Variants in TBC1D9 observed in about 807,000 individuals in gnomAD.
TBC1D9 encodes the protein TBC1 domain family member 9.
In TBC1D9, 63 loss-of-function variants were observed where a neutral mutation model predicts 132.0. The ratio of observed to expected loss-of-function variants is 0.48; its 90% CI spans 0.39 to 0.59. The LOEUF is 0.59. TBC1D9 is among the 20% of genes least tolerant of loss of function. The pLI, the probability that TBC1D9 is intolerant of heterozygous loss-of-function variation, is 0.00. For synonymous variants in TBC1D9, 610 were observed against 609.9 expected (o/e 1.00, Z 0.00); for missense variants, 1,261 against 1,592.7 (o/e 0.79, Z 3.54).
At position 140,729,504 on chromosome 4, in the gene TBC1D9, C is replaced by T. The variant is rs561619618; in HGVS notation, c.130+26412G>A. Among the ~76,000 whole-genome samples, 18 of 152,204 alleles carry T rather than the reference C, an allele frequency of 1.2e-4. No individual in the cohort carries two copies. In the South Asian group the frequency reaches 3.7e-3, roughly 32 times the overall value. ...TTGCACTTCCCTTCCTTTTGATTTT[C>T]AAAATAGAATAAAAAATAATGACAC... is the stretch of plus-strand genomic sequence containing the variant. On this transcript the variant is annotated intron_variant, in intron 1 of 20. Transcript: ENST00000442267.
In TBC1D9 at chr4:140,706,260, G is replaced by A. The variant is rs1331973069; in HGVS notation, c.131-4646C>T. Among the ~76,000 whole-genome samples the A allele has an allele frequency of 6.6e-6, 1 of 152,202 alleles. No individual in the cohort carries two copies. The highest frequency in any genetic ancestry group is 6.5e-5 in the Admixed American group (1 of 15,278). On this transcript the variant is annotated intron_variant, in intron 1 of 20. Transcript: ENST00000442267. This position sits in a 1 kb window ranked among gnomAD's most constrained non-coding sequence, Gnocchi z 4.0. ...ATCCTAAAGATCACTTGGCCTCCCC[G>A]ACTCCATTAGTCCTGACGCTGGTCC...
At chr4:140,718,278 T>C (rs1031792764) in intron 1 of TBC1D9, among the ~76,000 whole-genome samples, 2 of 150,056 alleles carry the variant, frequency 1.3e-5, no homozygotes, top group African/African-American at 2.5e-5. Flanking sequence ...CATTCAGCTA[T>C]GCACATTGGG....
In TBC1D9 at chr4:140,641,090, CA is replaced by C. The variant is rs35813378; in HGVS notation, c.2338-1663del. Among the ~76,000 whole-genome samples, 51 of 35,048 alleles carry C rather than the reference CA, an allele frequency of 1.5e-3. 3 individuals carry two copies. In the East Asian group the frequency reaches 0.023, roughly 16 times the overall value. 23.0% of individuals were successfully genotyped at this position (35,048 alleles called of 152,430 possible). A position where few individuals can be genotyped will look rare whatever the true frequency, so the allele number is the denominator to read the frequency against. On this transcript the variant is annotated intron_variant, in intron 13 of 20. Transcript: ENST00000442267. ...TAAATCTTACAATCATAATACTAAG[CA>C]AAAAAAAAAAAAACAAAAAAAAACA...
At chr4:140,643,059 C>A (rs1316776172) in intron 13 of TBC1D9, 1 of 1,271,556 alleles carries the variant, frequency 7.9e-7, no homozygotes, top group Admixed American at 2.2e-5. Flanking sequence ...CTCCTTCTTG[C>A]GCATCCAGCT....
intron 6 of TBC1D9, among the ~76,000 whole-genome samples, chr4:140,672,493 G>A (rs979867100): frequency 6.6e-6 from 1 of 152,054 alleles, no homozygotes; most frequent in Non-Finnish European, 1.5e-5. Flanking sequence ...GTCATGAGGT[G>A]TCTGGGATAA....
chr4:140,643,351 T>A, intron 13 of TBC1D9: 1 of 1,326,916 alleles, frequency 7.5e-7, no homozygotes, highest in Non-Finnish European at 1.1e-6. Context: ...TGGACTCCAG[T>A]AGCACCTGGG....
At chr4:140,745,884 C>A (rs1328006846) in intron 1 of TBC1D9, among the ~76,000 whole-genome samples, 2 of 152,180 alleles carry the variant, frequency 1.3e-5, no homozygotes, top group African/African-American at 4.8e-5. Flanking sequence ...AAACATACAC[C>A]TCCTAACCAG....
intron 2 of TBC1D9, among the ~76,000 whole-genome samples, chr4:140,699,596 G>A (rs572991312): frequency 6.6e-6 from 1 of 152,270 alleles, no homozygotes; most frequent in East Asian, 1.9e-4. Context: ...AAAATATACT[G>A]GATCAGTATC....
At position 140,676,943 on chromosome 4, in the gene TBC1D9, A is replaced by T. The variant is rs1737634872; in HGVS notation, c.1010T>A (p.Phe337Tyr). ...QMFVSTNYIC[F>Y]TSKEENLCSL... ...ACATAAGTTCTCCTCCTTGCTGGTA[A>T]AACAGATGTAATTTGTGGACACAAA... The change falls in exon 6 of 21, where the codon TTT (phenylalanine) becomes TAT (tyrosine). Residue 337 changes from phenylalanine to tyrosine, a missense_variant. By Grantham distance (22) the Phe-to-Tyr change is conservative (BLOSUM62 3). Transcript: ENST00000442267. 11 of 1,614,028 alleles carry T rather than the reference A, an allele frequency of 6.8e-6. No individual in the cohort carries two copies. Among genetic ancestry groups the T allele is most frequent in the Non-Finnish European group, 9.3e-6 (11 of 1,179,882 alleles).
chr4:140,657,167 G>C lies in TBC1D9; in HGVS notation c.2267C>G (p.Ser756Cys), dbSNP rs763763354. 3 of 1,613,738 alleles carry C rather than the reference G, an allele frequency of 1.9e-6. No homozygotes were observed. In the African/African-American group the frequency reaches 4.0e-5, roughly 22 times the overall value. Residue 756 changes from serine (S) to cysteine (C), a missense_variant, in exon 13 of 21, where the codon TCC becomes TGC. Ser to Cys is a moderately radical substitution (Grantham distance 112). Transcript: ENST00000442267. ...AGGTTCCACATCATCGCTGAGCAAG[G>C]AGTGGAGGTGAGGAATGGGAGGCAG... is the stretch of plus-strand genomic sequence containing the variant. ...STLPPIPHLH[S>C]LLSDDVEPYP...
chr4:140,680,372 G>A (rs745308911), intron 3 of TBC1D9, among the ~76,000 whole-genome samples: 12 of 152,138 alleles, frequency 7.9e-5, no homozygotes, highest in Non-Finnish European at 1.6e-4. Flanking sequence ...GTAGATATGA[G>A]AGCAAAAATT....
intron 1 of TBC1D9, among the ~76,000 whole-genome samples, chr4:140,716,459 C>T (rs867820110): frequency 1.5e-4 from 23 of 151,942 alleles, no homozygotes; most frequent in African/African-American, 5.3e-4. Flanking sequence ...CCCTGTACTC[C>T]AGCCTGGGTG....
intron 13 of TBC1D9, chr4:140,644,962 C>A: frequency 2.2e-6 from 1 of 464,190 alleles, no homozygotes; most frequent in Non-Finnish European, 4.3e-6. Flanking sequence ...GGTCCCAAGC[C>A]CCAGGGGTGT....
At chr4:140,636,406 T>A (rs555660443) in intron 15 of TBC1D9, among the ~76,000 whole-genome samples, 42 of 152,080 alleles carry the variant, frequency 2.8e-4, no homozygotes, top group African/African-American at 9.6e-4. Flanking sequence ...AAAAAAAAAA[T>A]TTAAGAGACA....
At chr4:140,663,750 A>AATAT (rs1737400963) in intron 9 of TBC1D9, among the ~76,000 whole-genome samples, 1 of 152,128 alleles carries the variant, frequency 6.6e-6, no homozygotes, top group South Asian at 2.1e-4. Context: ...ACATGGTTGA[A>AATAT]CCCAGAAGAC....
chr4:140,624,288 A>T (rs375742834), intron 19 of TBC1D9, 26 bp downstream of exon 19: 3 of 1,612,718 alleles, frequency 1.9e-6, no homozygotes, highest in Non-Finnish European at 2.5e-6. Flanking sequence ...GCAAGAAGGT[A>T]AACATATAGA....
At chr4:140,725,592 G>C (rs1420996328) in intron 1 of TBC1D9, among the ~76,000 whole-genome samples, 1 of 152,086 alleles carries the variant, frequency 6.6e-6, no homozygotes, top group African/African-American at 2.4e-5. Context: ...CAGTTCTCCT[G>C]TCCAGCTCAC....
chr4:140,650,707 G>T lies in TBC1D9; in HGVS notation c.2337+6390C>A, dbSNP rs531760279. ...ATCACCATGCCTGGCTGATTTTTTT[G>T]TCTTTTTAGTAGAGACGGGGTTTTG... On this transcript the variant is annotated intron_variant, in intron 13 of 20. Coordinates refer to ENST00000442267, the MANE Select transcript of TBC1D9 (RefSeq NM_015130.3). Among the ~76,000 whole-genome samples, 8 of 151,730 alleles carry T rather than the reference G, an allele frequency of 5.3e-5. No homozygotes were observed. The East Asian group carries it at 1.5e-3, about 29-fold the overall frequency.
intron 9 of TBC1D9, among the ~76,000 whole-genome samples, chr4:140,663,855 G>C (rs1046062639): frequency 6.6e-6 from 1 of 152,196 alleles, no homozygotes; most frequent in East Asian, 1.9e-4. Flanking sequence ...CATAGAAACA[G>C]AGTCTAGAAT....
Sources: gnomAD v4.1 joint callset for allele counts (sites outside exome capture counted in the v4.1 genomes callset) on GRCh38, gnomAD v4.1.1 for gene constraint, Gnocchi (gnomAD v3.1) non-coding constraint, MANE v1.5 for transcripts, NCBI Gene and HGNC (gene_info 2026-07-23, HGNC 2026-07-21) for gene names.